STRN3: variants seen among roughly 807,000 people sequenced by gnomAD.
The protein encoded by STRN3 is striatin 3, also known as striatin-3.
STRN3 carries 29 observed loss-of-function variants against 95.6 expected under a neutral mutation model. The observed-to-expected ratio is 0.30, with a 90% CI of 0.23 to 0.41. The LOEUF is 0.41. STRN3 is among the 10% of genes least tolerant of loss of function. The probability of loss-of-function intolerance (pLI) is 1.00; values close to 1 mark genes in which losing one functional copy is unlikely to be tolerated. For missense variants in STRN3, 890 were observed against 972.1 expected (o/e 0.92, Z 1.12); for synonymous variants, 331 against 357.6 (o/e 0.93, Z 0.84).
chr14:30,919,051 C>G lies in STRN3; in HGVS notation c.1155G>C (p.Leu385=), dbSNP rs61745932. The G allele has an allele frequency of 8.7e-4, 1,408 of 1,611,672 alleles. 11 individuals are homozygous for G. In the African/African-American group the frequency reaches 0.016, roughly 18 times the overall value. The change falls in exon 9 of 18, where the codon CTG becomes CTC. Residue 385 remains leucine, a synonymous_variant. Transcript: ENST00000357479. The part of the protein sequence containing the change: ...DMIADLGDDE[L]PHIPSGIINQ... ...TAATGATTCCTGAAGGGATGTGGGG[C>G]AGCTCATCATCTCCCAGATCAGCTA...
At position 31,026,007 on chromosome 14, in the gene STRN3, G is replaced by C. The variant is rs747184947; in HGVS notation, c.179C>G (p.Pro60Arg). ...TATCCCCGGGATAGTGTACTGCTGC[G>C]GCCGGGACAGCTCGGGGCCTGCCGC... Reference protein sequence around the residue: ...GPAAGPELSRPQQYTIPGILH... With the variant: ...GPAAGPELSRRQQYTIPGILH... The change falls in exon 1 of 18, where the codon CCG becomes CGG. Residue 60 changes from proline (P) to arginine (R), a missense_variant. Transcript: ENST00000357479. 2 of 1,551,864 alleles carry C rather than the reference G, an allele frequency of 1.3e-6. No homozygotes were observed. Among genetic ancestry groups the C allele is most frequent in the South Asian group, 1.2e-5 (1 of 84,388 alleles).
chr14:30,923,175 T>G (rs1028412806), intron 8 of STRN3, among the ~76,000 whole-genome samples: 1 of 152,206 alleles, frequency 6.6e-6, no homozygotes, highest in African/African-American at 2.4e-5. Flanking sequence ...AAAAGCCTAC[T>G]TAAGAGTAAG....
At chr14:30,939,681 AAG>A (rs1055093548) in intron 5 of STRN3, among the ~76,000 whole-genome samples, 1 of 152,110 alleles carries the variant, frequency 6.6e-6, no homozygotes, top group African/African-American at 2.4e-5. Context: ...AATGAGTAAC[AAG>A]AGAGTCCCCT....
chr14:31,023,460 T>C (rs922758696), intron 1 of STRN3, among the ~76,000 whole-genome samples: 1 of 152,116 alleles, frequency 6.6e-6, no homozygotes, highest in African/African-American at 2.4e-5. Flanking sequence ...TTAATATCTT[T>C]CCCAAAGCCA....
chr14:31,017,082 A>C (rs536834953), intron 1 of STRN3, among the ~76,000 whole-genome samples: 240 of 151,728 alleles, frequency 1.6e-3, no homozygotes, highest in African/African-American at 5.1e-3. Context: ...CTGAACCCAG[A>C]GATCAAGGCT....
At position 30,947,070 on chromosome 14, in the gene STRN3, A is replaced by T. The variant is rs1392841551; in HGVS notation, c.716+20T>A. Reference sequence around the variant, plus strand: ...ATCCATAATATCCATTATATAAACTATGTTAAGTATAAATCATACCTTTTT... The same window carrying T: ...ATCCATAATATCCATTATATAAACTTTGTTAAGTATAAATCATACCTTTTT... On this transcript the variant is annotated intron_variant, in intron 5 of 17. Transcript: ENST00000357479. 1 of 1,532,550 alleles carries T rather than the reference A, an allele frequency of 6.5e-7. No homozygotes were observed. 94.9% of individuals were successfully genotyped at this position (1,532,550 alleles called of 1,614,324 possible). A position where few individuals can be genotyped will look rare whatever the true frequency, so the allele number is the denominator to read the frequency against.
chr14:30,987,178 C>T (rs2378814), intron 1 of STRN3, among the ~76,000 whole-genome samples: 152,105 of 152,310 alleles, frequency 1, 75,950 homozygotes, highest in Middle Eastern at 1. Context: ...GCAAGAGTAA[C>T]GTAGAGGCAT....
intron 1 of STRN3, among the ~76,000 whole-genome samples, chr14:30,966,468 C>G (rs1368536751): frequency 6.6e-6 from 1 of 152,204 alleles, no homozygotes; most frequent in African/African-American, 2.4e-5. Context: ...GAGGTGCACC[C>G]TGCCCTATTG....
intron 1 of STRN3, among the ~76,000 whole-genome samples, chr14:31,008,150 C>T (rs1882805139): frequency 6.6e-6 from 1 of 151,686 alleles, no homozygotes; most frequent in South Asian, 2.1e-4. Context: ...AAGATCACGC[C>T]GTTGCACTCT....
chr14:30,923,882 G>A (rs1015230896), intron 8 of STRN3, among the ~76,000 whole-genome samples: 7 of 151,916 alleles, frequency 4.6e-5, no homozygotes, highest in Admixed American at 6.6e-5. Flanking sequence ...CAGATGCTTC[G>A]TTCATACTGT....
intron 1 of STRN3, among the ~76,000 whole-genome samples, chr14:30,987,258 A>T (rs1881736815): frequency 6.6e-6 from 1 of 152,234 alleles, no homozygotes; most frequent in Admixed American, 6.5e-5. Context: ...CTGTAATCCC[A>T]GCACTTTGGG....
intron 5 of STRN3, among the ~76,000 whole-genome samples, chr14:30,937,639 T>C (rs1180360719): frequency 6.6e-6 from 1 of 152,156 alleles, no homozygotes; most frequent in Non-Finnish European, 1.5e-5. Flanking sequence ...GAACAAAGAC[T>C]TTCACCATGA....
chr14:30,995,328 G>C (rs1014097790), intron 1 of STRN3, among the ~76,000 whole-genome samples: 15 of 145,114 alleles, frequency 1.0e-4, no homozygotes, highest in African/African-American at 3.3e-4. Flanking sequence ...GGCCACAAAA[G>C]AAAAAAAAAA....
At chr14:30,932,792 TATG>T (rs1186284927) in intron 7 of STRN3, among the ~76,000 whole-genome samples, 1 of 152,222 alleles carries the variant, frequency 6.6e-6, no homozygotes, top group East Asian at 1.9e-4. Context: ...TCTTTATCCT[TATG>T]ATTAAATTTC....
chr14:30,936,110 C>A (rs989692847), intron 6 of STRN3, among the ~76,000 whole-genome samples: 7 of 152,168 alleles, frequency 4.6e-5, no homozygotes, highest in Non-Finnish European at 8.8e-5. Context: ...ATTTATAATT[C>A]ACAGATTACT....
intron 15 of STRN3, among the ~76,000 whole-genome samples, chr14:30,905,149 A>G (rs1386738783): frequency 6.6e-6 from 1 of 152,150 alleles, no homozygotes; most frequent in Non-Finnish European, 1.5e-5. Flanking sequence ...CTGAATGCTG[A>G]GTACATTAAG....
At chr14:31,006,899 CCCAGGAAGT>C (rs1352688802) in intron 1 of STRN3, among the ~76,000 whole-genome samples, 1 of 151,570 alleles carries the variant, frequency 6.6e-6, no homozygotes, top group African/African-American at 2.4e-5. Context: ...CATGCTTGAA[CCCAGGAAGT>C]CCAGGCTGTA....
chr14:31,002,248 C>T (rs1486576843), intron 1 of STRN3, among the ~76,000 whole-genome samples: 5 of 148,118 alleles, frequency 3.4e-5, no homozygotes, highest in East Asian at 2.0e-4. Flanking sequence ...CTGAGGCAGG[C>T]GGATCACAAG....
intron 1 of STRN3, among the ~76,000 whole-genome samples, chr14:30,980,192 C>T (rs1024485819): frequency 1.3e-5 from 2 of 151,706 alleles, no homozygotes; most frequent in Admixed American, 6.6e-5. Context: ...CTGCAGTCAG[C>T]TGAGATTGTA....
Sources: gnomAD v4.1 joint callset for allele counts (sites outside exome capture counted in the v4.1 genomes callset) on GRCh38, gnomAD v4.1.1 for gene constraint, MANE v1.5 for transcripts, NCBI Gene and HGNC (gene_info 2026-07-23, HGNC 2026-07-21) for gene names.